ACTL6A: variants seen among roughly 807,000 people sequenced by gnomAD.
ACTL6A encodes the protein actin like 6A, also known as actin-like protein 6A.
ACTL6A carries 5 observed loss-of-function variants against 59.2 expected under a neutral mutation model. The ratio of observed to expected loss-of-function variants is 0.08; its 90% CI spans 0.04 to 0.18. The LOEUF (loss-of-function observed/expected upper bound fraction) is 0.18. Among genes scored for constraint, ACTL6A ranks in the 10% least tolerant of loss-of-function variants. The probability of loss-of-function intolerance (pLI) is 1.00; values close to 1 mark genes in which losing one functional copy is unlikely to be tolerated. For missense variants in ACTL6A, 285 were observed against 526.9 expected, an observed-to-expected ratio of 0.54 and a Z score of 4.49; for synonymous variants, 154 against 171.8, an observed-to-expected ratio of 0.90 and a Z score of 0.81.
rs73048710 is a variant in ACTL6A at position 179,566,614 on chromosome 3, C to T, written c.26-3210C>T. Among the ~76,000 whole-genome samples the T allele has an allele frequency of 9.4e-3, 1,430 of 152,008 alleles. 35 individuals carry two copies. The highest frequency in any genetic ancestry group is 0.033 in the African/African-American group (1,372 of 41,444). ...GAGGTCTGTCTCTGTGTGTAGATGG[C>T]CATCTCCTCCTCTGTCTTCACATGG... On this transcript the variant is annotated intron_variant, in intron 1 of 13. Coordinates refer to ENST00000429709, the MANE Select transcript of ACTL6A (RefSeq NM_004301.5).
At chr3:179,573,319 A>C (rs768055500) in intron 3 of ACTL6A, 50 bp from the exon 4 acceptor site, 4 of 1,217,538 alleles carry the variant, frequency 3.3e-6, no homozygotes. Flanking sequence ...AAGATGCTAT[A>C]TTCATCTTCA....
chr3:179,566,274 T>C (rs1243876995), intron 1 of ACTL6A, among the ~76,000 whole-genome samples: 1 of 152,152 alleles, frequency 6.6e-6, no homozygotes, highest in East Asian at 1.9e-4. Flanking sequence ...ATTATCAGTA[T>C]TTAGGTAGAA....
intron 12 of ACTL6A, 96 bp downstream of exon 12, chr3:179,583,544 C>CA (rs1718396650): frequency 2.2e-6 from 2 of 918,366 alleles, no homozygotes; most frequent in African/African-American, 3.3e-5. Context: ...TCAATAGATA[C>CA]ATGATATTTT....
intron 8 of ACTL6A, among the ~76,000 whole-genome samples, chr3:179,579,679 T>C (rs995859897): frequency 2.6e-5 from 4 of 152,196 alleles, no homozygotes; most frequent in Non-Finnish European, 4.4e-5. Flanking sequence ...TCCCAGCTAC[T>C]TGGGAGGCTG....
intron 1 of ACTL6A, among the ~76,000 whole-genome samples, chr3:179,564,794 G>A (rs1442861090): frequency 1.3e-5 from 2 of 151,982 alleles, no homozygotes; most frequent in African/African-American, 4.8e-5. Context: ...CAGTCTTGTA[G>A]ATGAGTCTGT....
In ACTL6A at chr3:179,576,340, GA is replaced by G. The variant is rs765309611; in HGVS notation, c.571+30del. The G allele has an allele frequency of 5.5e-6, 8 of 1,450,188 alleles. No individual in the cohort carries two copies. In the South Asian group the frequency reaches 1.0e-4, roughly 19 times the overall value. 89.8% of individuals were successfully genotyped at this position (1,450,188 alleles called of 1,614,324 possible). The stretch of plus-strand genomic sequence containing the variant: ...AATGTATTTAACCAGGATACACTGA[GA>G]TGATTTTAGATGCCATGAGGATGCA... On this transcript the variant is annotated intron_variant, in intron 6 of 13. Coordinates refer to ENST00000429709, the MANE Select transcript of ACTL6A (RefSeq NM_004301.5).
Position 179,570,374 on chromosome 3 carries a change from T to C in ACTL6A, c.277+133T>C. 1.3e-6 allele frequency: 1 copy of C among 794,234 alleles called. No individual in the cohort carries two copies. The highest frequency in any genetic ancestry group is 2.8e-5 in the East Asian group (1 of 36,248). The allele number at this position is 794,234 out of a possible 1,614,324, so 49.2% of individuals were successfully genotyped here. On this transcript the variant is annotated intron_variant, in intron 3 of 13. Coordinates refer to ENST00000429709, the MANE Select transcript of ACTL6A (RefSeq NM_004301.5). The surrounding 1 kb of genome is among the most constrained non-coding windows in gnomAD (Gnocchi z 4.3). ...TTTTGTTTTTTATTCCACAAACTGA[T>C]TTCCAGACACTGAGAATACAAAGAT...
rs535041452 is a variant in ACTL6A at position 179,572,731 on chromosome 3, G to A, written c.278-638G>A. Among the ~76,000 whole-genome samples, 6 of 152,254 alleles carry A rather than the reference G, an allele frequency of 3.9e-5. No individual in the cohort carries two copies. In the South Asian group the frequency reaches 1.2e-3, roughly 32 times the overall value. On this transcript the variant is annotated intron_variant, in intron 3 of 13. Coordinates refer to ENST00000429709, the MANE Select transcript of ACTL6A (RefSeq NM_004301.5). ...GAGGGAGGAGAATTGCTTGACCCCA[G>A]GAGGCGGAGGTTGCAGTGAGCTGAG...
chr3:179,574,465 A>G lies in ACTL6A; in HGVS notation c.474A>G (p.Thr158=), dbSNP rs1718106454. 3 of 1,590,686 alleles carry G rather than the reference A, an allele frequency of 1.9e-6. No homozygotes were observed. Among genetic ancestry groups the G allele is most frequent in the Non-Finnish European group, 2.6e-6 (3 of 1,158,892 alleles). Residue 158 remains threonine (T), a splice_region_variant and synonymous_variant, in exon 5 of 14, where the codon ACA becomes ACG. Coordinates refer to ENST00000429709, the MANE Select transcript of ACTL6A (RefSeq NM_004301.5). Reference sequence around the variant, plus strand: ...TCCTTTGCAAAACTGCAGTTTTGACAGCGTATCCTTGAAAGAGTAATACCT... The same window carrying G: ...TCCTTTGCAAAACTGCAGTTTTGACGGCGTATCCTTGAAAGAGTAATACCT... ...AFFLCKTAVL[T]AFANGRSTGL...
chr3:179,572,720 G>T (rs1718047663), intron 3 of ACTL6A, among the ~76,000 whole-genome samples: 1 of 152,106 alleles, frequency 6.6e-6, no homozygotes, highest in Non-Finnish European at 1.5e-5. Context: ...GAGGAGAATT[G>T]CTTGACCCCA....
At chr3:179,577,220 G>A (rs1375293949) in intron 8 of ACTL6A, among the ~76,000 whole-genome samples, 1 of 152,080 alleles carries the variant, frequency 6.6e-6, no homozygotes, top group Non-Finnish European at 1.5e-5. Context: ...GGTGAGACCT[G>A]GAAGGAATTT....
At chr3:179,587,867 T>G in intron 13 of ACTL6A, 63 bp from the exon 14 acceptor site, 4 of 1,449,246 alleles carry the variant, frequency 2.8e-6, no homozygotes, top group Non-Finnish European at 3.7e-6. Flanking sequence ...AAAAAAAAAA[T>G]TTTTTAAGCC....
chr3:179,581,163 A>C lies in ACTL6A; in HGVS notation c.969A>C (p.Leu323Phe). 1.2e-6 allele frequency: 2 copies of C among 1,614,074 alleles called. No homozygotes were observed. The highest frequency in any genetic ancestry group is 2.2e-5 in the South Asian group (2 of 91,088). ...AGGGGTTATCAGGAAACACAATGTTAGGAGTCAGTCATGTTGTCACCACAA... is the reference window on the plus strand; with the variant it reads ...AGGGGTTATCAGGAAACACAATGTTCGGAGTCAGTCATGTTGTCACCACAA... ...NVKGLSGNTM[L>F]GVSHVVTTSV... The change falls in exon 11 of 14, where the codon TTA becomes TTC. Residue 323 changes from leucine to phenylalanine, a missense_variant. By Grantham distance (22) the Leu-to-Phe change is conservative. Transcript: ENST00000429709.
intron 1 of ACTL6A, among the ~76,000 whole-genome samples, chr3:179,563,322 G>A (rs1457044912): frequency 6.6e-6 from 1 of 152,048 alleles, no homozygotes; most frequent in Non-Finnish European, 1.5e-5. Flanking sequence ...CTGAAGTGGC[G>A]GCTCTCTGTG....
chr3:179,574,078 T>C (rs112578493), intron 4 of ACTL6A, among the ~76,000 whole-genome samples: 40 of 152,300 alleles, frequency 2.6e-4, no homozygotes, highest in African/African-American at 8.7e-4. Flanking sequence ...TTTAATAATA[T>C]GTTTATAAGA....
rs1370790485 is a variant in ACTL6A at position 179,576,268 on chromosome 3, T to C, written c.528T>C (p.His176=). 1.2e-6 allele frequency: 2 copies of C among 1,611,644 alleles called. No homozygotes were observed. The highest frequency in any genetic ancestry group is 3.4e-5 in the Admixed American group (2 of 59,132). ...TGATTTTGGACAGTGGAGCCACTCA[T>C]ACCACTGCAATTCCAGTCCACGATG... ...TGLILDSGAT[H]TTAIPVHDGY... The change falls in exon 6 of 14, where the codon CAT becomes CAC. Residue 176 remains histidine (H), a synonymous_variant. Coordinates refer to ENST00000429709, the MANE Select transcript of ACTL6A (RefSeq NM_004301.5).
chr3:179,565,712 G>T (rs1330728346), intron 1 of ACTL6A, among the ~76,000 whole-genome samples: 1 of 152,072 alleles, frequency 6.6e-6, no homozygotes. Flanking sequence ...GAGGCAGGAA[G>T]TGAGACTGCT....
At chr3:179,569,263 C>T (rs1388759202) in intron 1 of ACTL6A, among the ~76,000 whole-genome samples, 1 of 152,186 alleles carries the variant, frequency 6.6e-6, no homozygotes, top group African/African-American at 2.4e-5. Context: ...ATTCTGATAA[C>T]AGTTATTTCT....
rs768724036 is a variant in ACTL6A at position 179,581,738 on chromosome 3, G to A, written c.1026+518G>A. On this transcript the variant is annotated intron_variant, in intron 11 of 13. Coordinates refer to ENST00000429709, the MANE Select transcript of ACTL6A (RefSeq NM_004301.5). ...ATTTTAAATGCTCTTCATATTTTTT[G>A]TGCTTTGTCAGGTTTTAAATACTAA... 5.3e-4 allele frequency among the ~76,000 whole-genome samples: 81 copies of A among 152,186 alleles called. 1 individual carries two copies. In the Middle Eastern group the frequency reaches 0.01, roughly 19 times the overall value.
Sources: gnomAD v4.1 joint callset for allele counts (sites outside exome capture counted in the v4.1 genomes callset) on GRCh38, gnomAD v4.1.1 for gene constraint, Gnocchi (gnomAD v3.1) non-coding constraint, MANE v1.5 for transcripts, NCBI Gene and HGNC (gene_info 2026-07-23, HGNC 2026-07-21) for gene names.